The following KCNIP1 variants were observed in gnomAD, a reference collection of about 807,000 sequenced individuals.
KCNIP1 encodes A-type potassium channel modulatory protein KCNIP1.
Under a neutral mutation model 33.0 loss-of-function variants are expected in KCNIP1, and 18 were observed. The observed-to-expected ratio is 0.55, with a 90% CI of 0.38 to 0.81. The LOEUF is 0.81. KCNIP1 is among the 30% of genes least tolerant of loss of function. The pLI, the probability that KCNIP1 is intolerant of heterozygous loss-of-function variation, is 0.00. For missense variants in KCNIP1, 238 were observed against 271.6 expected, an observed-to-expected ratio of 0.88 and a Z score of 0.87; for synonymous variants, 93 against 98.3, an observed-to-expected ratio of 0.95 and a Z score of 0.32.
At chr5:170,520,713 C>T (rs1755334084) in intron 1 of KCNIP1, among the ~76,000 whole-genome samples, 1 of 152,234 alleles carries the variant, frequency 6.6e-6, no homozygotes, top group South Asian at 2.1e-4. Context: ...ACCCTCCTCA[C>T]TCTCGCCCAC....
intron 1 of KCNIP1, among the ~76,000 whole-genome samples, chr5:170,592,812 C>T (rs989624320): frequency 1.3e-5 from 2 of 152,196 alleles, no homozygotes; most frequent in Non-Finnish European, 2.9e-5. Context: ...CTGCAAAGTG[C>T]TAAGCATGTG....
intron 1 of KCNIP1, among the ~76,000 whole-genome samples, chr5:170,509,514 G>A (rs923758776): frequency 6.6e-6 from 1 of 152,090 alleles, no homozygotes; most frequent in Admixed American, 6.5e-5. Context: ...AAATCTGTAA[G>A]TGAATAAGTG....
intron 5 of KCNIP1, among the ~76,000 whole-genome samples, chr5:170,725,187 G>A (rs6894316): frequency 0.74 from 112,982 of 152,046 alleles, 42,093 homozygotes; most frequent in East Asian, 0.86. Flanking sequence ...TATACCCCAT[G>A]TAAAGGAAAC....
intron 1 of KCNIP1, among the ~76,000 whole-genome samples, chr5:170,454,076 C>T (rs1198044109): frequency 6.6e-6 from 1 of 152,202 alleles, no homozygotes; most frequent in African/African-American, 2.4e-5. Flanking sequence ...GTTTAGAAAA[C>T]TATTACAGCT....
intron 1 of KCNIP1, among the ~76,000 whole-genome samples, chr5:170,557,302 T>G (rs139419752): frequency 1.5e-4 from 23 of 152,280 alleles, no homozygotes; most frequent in African/African-American, 4.3e-4. Flanking sequence ...ATGGTGGCTA[T>G]TTTCTGGAAT....
At chr5:170,682,415 T>C (rs986398986) in intron 1 of KCNIP1, among the ~76,000 whole-genome samples, 3 of 152,248 alleles carry the variant, frequency 2.0e-5, no homozygotes, top group Non-Finnish European at 4.4e-5. Context: ...TCCACTTTAC[T>C]GTTCAGCATG....
intron 1 of KCNIP1, among the ~76,000 whole-genome samples, chr5:170,711,781 G>A (rs933675568): frequency 2.6e-5 from 4 of 152,216 alleles, no homozygotes; most frequent in Admixed American, 2.6e-4. Flanking sequence ...GATCAAAGGG[G>A]CAACTAAATC....
chr5:170,443,162 A>G (rs1483450292), intron 1 of KCNIP1, among the ~76,000 whole-genome samples: 2 of 152,142 alleles, frequency 1.3e-5, no homozygotes, highest in Admixed American at 6.5e-5. Context: ...GGCTTGGATC[A>G]CCACCGAGGC....
intron 1 of KCNIP1, chr5:170,383,599 CG>C: frequency 6.6e-7 from 1 of 1,508,536 alleles, no homozygotes; most frequent in Non-Finnish European, 9.2e-7. Context: ...TTCTCAGCCT[CG>C]GGGACAGGGA....
intron 1 of KCNIP1, among the ~76,000 whole-genome samples, chr5:170,365,590 G>A (rs753919721): frequency 2.6e-5 from 4 of 152,334 alleles, no homozygotes; most frequent in South Asian, 2.1e-4. Flanking sequence ...GGGCTCCTCT[G>A]GGAGGGCATG....
chr5:170,360,051 A>G (rs554896788), intron 1 of KCNIP1, among the ~76,000 whole-genome samples: 7 of 152,270 alleles, frequency 4.6e-5, no homozygotes, highest in African/African-American at 1.4e-4. Flanking sequence ...CAGGCAGGAG[A>G]GTTCAGGCTG....
chr5:170,597,440 A>G (rs1758479701), intron 1 of KCNIP1, among the ~76,000 whole-genome samples: 1 of 152,120 alleles, frequency 6.6e-6, no homozygotes, highest in African/African-American at 2.4e-5. Context: ...GTGCTTGCAA[A>G]GAGGCGTCTC....
chr5:170,715,417 C>CATT (rs1440625200), intron 1 of KCNIP1, among the ~76,000 whole-genome samples: 1 of 152,160 alleles, frequency 6.6e-6, no homozygotes, highest in Non-Finnish European at 1.5e-5. Flanking sequence ...CTAAACCCCT[C>CATT]ATTCCACACT....
chr5:170,414,303 C>T (rs180920445), intron 1 of KCNIP1, among the ~76,000 whole-genome samples: 68 of 152,296 alleles, frequency 4.5e-4, no homozygotes, highest in African/African-American at 1.6e-3. Flanking sequence ...AAGCTGCCTC[C>T]TTACATATTT....
Position 170,555,540 on chromosome 5 carries a change from C to A in KCNIP1, c.61+50907C>A, listed in dbSNP as rs138181793. Among the ~76,000 whole-genome samples the A allele has an allele frequency of 7.3e-3, 1,108 of 152,222 alleles. 14 individuals are homozygous for A. Among genetic ancestry groups the A allele is most frequent in the Non-Finnish European group, 8.8e-3 (596 of 68,012 alleles). ...GAATTCCGACCAAGAGCTAGCTGGCCCCACGGTTTCTTCCCTTCCTACTTT... is the reference window on the plus strand; with the variant it reads ...GAATTCCGACCAAGAGCTAGCTGGCACCACGGTTTCTTCCCTTCCTACTTT... On this transcript the variant is annotated intron_variant, in intron 1 of 7. Coordinates refer to ENST00000328939, the MANE Select transcript of KCNIP1 (RefSeq NM_014592.4).
chr5:170,661,732 C>T (rs966723273), intron 1 of KCNIP1, among the ~76,000 whole-genome samples: 1 of 152,238 alleles, frequency 6.6e-6, no homozygotes, highest in Non-Finnish European at 1.5e-5. Context: ...ATATCATTCA[C>T]ACCTACCCAC....
chr5:170,523,190 G>A (rs377476225), intron 1 of KCNIP1, among the ~76,000 whole-genome samples: 19 of 152,150 alleles, frequency 1.2e-4, no homozygotes, highest in Admixed American at 5.9e-4. Flanking sequence ...CCCTGCCACC[G>A]GAAGAGACAG....
intron 1 of KCNIP1, among the ~76,000 whole-genome samples, chr5:170,683,697 T>G (rs2113800168): frequency 6.6e-6 from 1 of 152,092 alleles, no homozygotes; most frequent in South Asian, 2.1e-4. Flanking sequence ...CTTCGGCCCT[T>G]GATCTTATTC....
intron 1 of KCNIP1, among the ~76,000 whole-genome samples, chr5:170,488,216 A>T (rs1342022879): frequency 6.6e-6 from 1 of 152,120 alleles, no homozygotes; most frequent in Non-Finnish European, 1.5e-5. Flanking sequence ...TATTTTTACC[A>T]TTTGATGTGC....
Sources: allele counts gnomAD v4.1 joint callset (sites outside exome capture counted in the v4.1 genomes callset), GRCh38; gene constraint gnomAD v4.1.1; transcripts MANE v1.5; gene names NCBI Gene and HGNC (gene_info 2026-07-23, HGNC 2026-07-21).